The following SLC20A2 variants were observed in gnomAD, a reference collection of about 807,000 sequenced individuals.
The protein encoded by SLC20A2 is sodium-dependent phosphate transporter 2.
Under a neutral mutation model 61.0 loss-of-function variants are expected in SLC20A2, and 30 were observed. That is an observed-to-expected ratio of 0.49 (90% CI 0.37 to 0.67). The LOEUF is 0.67. SLC20A2 is among the 30% of genes least tolerant of loss of function. The pLI is 0.00. For missense variants in SLC20A2, 626 were observed against 866.4 expected (o/e 0.72, Z 3.48); for synonymous variants, 351 against 353.3 (o/e 0.99, Z 0.07).
rs189519979 is a variant in SLC20A2, at chr8:42,439,509, C to T, written c.875G>A (p.Gly292Glu). The T allele has an allele frequency of 3.7e-6, 6 of 1,614,210 alleles. No individual in the cohort carries two copies. The highest frequency in any genetic ancestry group is 3.3e-5 in the South Asian group (3 of 91,084). Residue 292 changes from glycine to glutamate, a missense_variant, in exon 7 of 11, where the codon GGG becomes GAG. Around this residue, in one of 3 missense-constraint regions of SLC20A2, gnomAD observed 361 missense variants for 422.3 expected, o/e 0.85. Coordinates refer to ENST00000520262, the MANE Select transcript of SLC20A2 (RefSeq NM_001257180.2). ...GCCTTCCGAGGTCCCCAGTGTCTCC[C>T]CTGCTGCTCCCGTGAGCGGGATGGT... ...DSTIPLTGAAGETLGTSEGTS... is the reference protein window; with the variant it reads ...DSTIPLTGAAEETLGTSEGTS...
At chr8:42,459,235 C>CAAA (rs756966778) in intron 5 of SLC20A2, among the ~76,000 whole-genome samples, 22 of 36,040 alleles carry the variant, frequency 6.1e-4, no homozygotes, top group East Asian at 1.1e-3. Context: ...GACTCTATCT[C>CAAA]AAAAAAAAAA....
At chr8:42,499,383 TG>T (rs1189594706) in intron 1 of SLC20A2, among the ~76,000 whole-genome samples, 1 of 152,138 alleles carries the variant, frequency 6.6e-6, no homozygotes, top group Non-Finnish European at 1.5e-5. Context: ...ACTTATATAA[TG>T]AAAACCTTCT....
intron 1 of SLC20A2, among the ~76,000 whole-genome samples, chr8:42,516,907 GCAGC>G (rs1811351125): frequency 6.6e-6 from 1 of 152,154 alleles, no homozygotes; most frequent in African/African-American, 2.4e-5. Flanking sequence ...GCTGTTTTTA[GCAGC>G]CACATCACAG....
At position 42,472,465 on chromosome 8, in the gene SLC20A2, C is replaced by T. The variant is rs1245088537; in HGVS notation, c.-75G>A. ...AAACAAAGCTTGAGGTTATAAACTT[C>T]GTAAGGCCAAGAGTTCTTGTAAACA... On this transcript the variant is annotated 5_prime_UTR_variant, in exon 2 of 11. Coordinates refer to ENST00000520262, the MANE Select transcript of SLC20A2 (RefSeq NM_001257180.2). The surrounding 1 kb of genome is among the most constrained non-coding windows in gnomAD (Gnocchi z 4.1). 10 of 1,370,636 alleles carry T rather than the reference C, an allele frequency of 7.3e-6. No individual in the cohort carries two copies. The highest frequency in any genetic ancestry group is 4.7e-5 in the East Asian group (2 of 42,460). The allele number at this position is 1,370,636 out of a possible 1,614,324, so 84.9% of individuals were successfully genotyped here. A position where few individuals can be genotyped will look rare whatever the true frequency, so the allele number is the denominator to read the frequency against.
chr8:42,428,968 A>C, intron 9 of SLC20A2, 126 bp from the exon 10 acceptor site: 1 of 688,582 alleles, frequency 1.5e-6, no homozygotes, highest in Non-Finnish European at 2.3e-6. Flanking sequence ...GGGCAAGATC[A>C]ATTTTAACAG....
intron 10 of SLC20A2, among the ~76,000 whole-genome samples, chr8:42,424,984 C>T (rs943946343): frequency 2.6e-5 from 4 of 151,992 alleles, no homozygotes; most frequent in South Asian, 4.2e-4. Context: ...AGGCGGAGGT[C>T]GCAGTGAGCC....
chr8:42,435,494 G>A (rs960190293), intron 8 of SLC20A2, among the ~76,000 whole-genome samples: 1 of 152,152 alleles, frequency 6.6e-6, no homozygotes, highest in African/African-American at 2.4e-5. Flanking sequence ...ATTGGGAAAC[G>A]GAGACTTCGG....
At chr8:42,443,927 A>G (rs1184758973) in intron 6 of SLC20A2, among the ~76,000 whole-genome samples, 1 of 152,190 alleles carries the variant, frequency 6.6e-6, no homozygotes, top group East Asian at 1.9e-4. Context: ...TCTGCTCAGT[A>G]TCACGGCTGT....
intron 1 of SLC20A2, among the ~76,000 whole-genome samples, chr8:42,540,109 T>C (rs1396335277): frequency 1.3e-5 from 2 of 152,114 alleles, no homozygotes; most frequent in African/African-American, 4.8e-5. Flanking sequence ...CTAGCCAACA[T>C]GGTGAAACTC....
At chr8:42,482,873 C>T (rs1256318366) in intron 1 of SLC20A2, among the ~76,000 whole-genome samples, 1 of 150,078 alleles carries the variant, frequency 6.7e-6, no homozygotes, top group Non-Finnish European at 1.5e-5. Context: ...GGTAAAAATC[C>T]GTCTCTACTA....
intron 1 of SLC20A2, among the ~76,000 whole-genome samples, chr8:42,512,643 G>A (rs1183518932): frequency 6.6e-6 from 1 of 152,100 alleles, no homozygotes; most frequent in Non-Finnish European, 1.5e-5. Flanking sequence ...GAGCCACCAC[G>A]TCCAGCCCAA....
intron 5 of SLC20A2, among the ~76,000 whole-genome samples, chr8:42,455,257 T>TATAGAGAGAGAG (rs1357416749): frequency 1.2e-5 from 1 of 81,622 alleles, no homozygotes; most frequent in African/African-American, 4.4e-5. Context: ...TATATATATA[T>TATAGAGAGAGAG]AGAGAGAGAG....
intron 1 of SLC20A2, among the ~76,000 whole-genome samples, chr8:42,513,967 G>A (rs532079731): frequency 6.6e-6 from 1 of 152,310 alleles, no homozygotes; most frequent in South Asian, 2.1e-4. Context: ...GAATACAAGT[G>A]ATGGGATATG....
At chr8:42,423,626 C>T (rs1386797479) in intron 10 of SLC20A2, among the ~76,000 whole-genome samples, 1 of 152,140 alleles carries the variant, frequency 6.6e-6, no homozygotes, top group African/African-American at 2.4e-5. Flanking sequence ...TTATGCTGTT[C>T]TAAATAAACG....
intron 1 of SLC20A2, among the ~76,000 whole-genome samples, chr8:42,485,904 C>T (rs1056107535): frequency 1.3e-5 from 2 of 150,588 alleles, no homozygotes; most frequent in Non-Finnish European, 2.9e-5. Flanking sequence ...CGAGATTGCG[C>T]TGCTGCACTC....
chr8:42,493,177 G>A (rs893751807), intron 1 of SLC20A2, among the ~76,000 whole-genome samples: 1 of 152,182 alleles, frequency 6.6e-6, no homozygotes, highest in African/African-American at 2.4e-5. Context: ...GTGGAAAGGG[G>A]GGCCTGCTTT....
chr8:42,518,455 C>T (rs1021896955), intron 1 of SLC20A2, among the ~76,000 whole-genome samples: 4 of 151,978 alleles, frequency 2.6e-5, no homozygotes, highest in Admixed American at 6.6e-5. Context: ...GAGGAAAATC[C>T]GGCTTCAGAA....
At chr8:42,478,216 T>C (rs1401446414) in intron 1 of SLC20A2, among the ~76,000 whole-genome samples, 2 of 148,134 alleles carry the variant, frequency 1.4e-5, no homozygotes, top group Admixed American at 6.7e-5. Flanking sequence ...CCTTTTCTTT[T>C]TTTTTTTTTT....
chr8:42,523,115 G>A (rs188838760), intron 1 of SLC20A2, among the ~76,000 whole-genome samples: 3,326 of 152,100 alleles, frequency 0.022, 114 homozygotes, highest in South Asian at 0.089. Context: ...GGCAGATCAC[G>A]AGGTCAGGAG....
Sources: gnomAD v4.1 joint callset for allele counts (sites outside exome capture counted in the v4.1 genomes callset) on GRCh38, gnomAD v4.1.1 for gene constraint, gnomAD v4.1.1 regional missense constraint, Gnocchi (gnomAD v3.1) non-coding constraint, MANE v1.5 for transcripts, NCBI Gene and HGNC (gene_info 2026-07-23, HGNC 2026-07-21) for gene names.